Variants in FMNL2 observed in about 807,000 individuals in gnomAD.
FMNL2 encodes formin like 2.
FMNL2 carries 51 observed loss-of-function variants against 130.2 expected under a neutral mutation model. That is an observed-to-expected ratio of 0.39 (90% CI 0.31 to 0.49). The LOEUF (loss-of-function observed/expected upper bound fraction) is 0.49. FMNL2 is among the 20% of genes least tolerant of loss of function. FMNL2 has a pLI of 0.85. For missense variants in FMNL2, 977 were observed against 1,316.2 expected (o/e 0.74, Z 3.99); for synonymous variants, 465 against 467.1 (o/e 1.00, Z 0.06).
intron 6 of FMNL2, among the ~76,000 whole-genome samples, chr2:152,571,822 A>G (rs964504304): frequency 6.6e-6 from 1 of 152,220 alleles, no homozygotes; most frequent in African/African-American, 2.4e-5. Flanking sequence ...CATCATGTAT[A>G]TACATTATTT....
At chr2:152,363,666 A>G (rs1363934995) in intron 1 of FMNL2, among the ~76,000 whole-genome samples, 1 of 151,442 alleles carries the variant, frequency 6.6e-6, no homozygotes. Flanking sequence ...GGTTCAAGTG[A>G]TTCTCCTGCC....
intron 2 of FMNL2, among the ~76,000 whole-genome samples, chr2:152,527,234 C>T (rs920818919): frequency 2.6e-5 from 4 of 152,082 alleles, no homozygotes; most frequent in African/African-American, 9.7e-5. Flanking sequence ...TGAAGAATAT[C>T]ATAGAAAAAT....
intron 6 of FMNL2, among the ~76,000 whole-genome samples, chr2:152,570,140 C>A (rs976482601): frequency 6.6e-6 from 1 of 152,074 alleles, no homozygotes; most frequent in South Asian, 2.1e-4. Context: ...TTGGTATCTG[C>A]TGGGATATGC....
chr2:152,371,967 A>G (rs915239869), intron 1 of FMNL2, among the ~76,000 whole-genome samples: 2 of 152,164 alleles, frequency 1.3e-5, no homozygotes, highest in East Asian at 3.9e-4. Flanking sequence ...CTCCATAACT[A>G]CAAGAAATAA....
chr2:152,360,284 C>T (rs532909143), intron 1 of FMNL2, among the ~76,000 whole-genome samples: 111 of 152,132 alleles, frequency 7.3e-4, no homozygotes, highest in Non-Finnish European at 1.3e-3. Context: ...GAATCAGTTG[C>T]TTCTTTTTCT....
At chr2:152,361,522 A>G (rs1057197353) in intron 1 of FMNL2, among the ~76,000 whole-genome samples, 1 of 152,120 alleles carries the variant, frequency 6.6e-6, no homozygotes, top group Non-Finnish European at 1.5e-5. Context: ...AAATAATATC[A>G]CAACAGAAGG....
At chr2:152,613,990 GTA>G (rs1698817500) in intron 11 of FMNL2, among the ~76,000 whole-genome samples, 1 of 152,178 alleles carries the variant, frequency 6.6e-6, no homozygotes, top group Admixed American at 6.5e-5. Flanking sequence ...TGTTCATGCT[GTA>G]TACTGACTTA....
intron 4 of FMNL2, 25 bp from the exon 5 acceptor site, chr2:152,558,715 A>AT (rs70974869): frequency 0.2 from 278,874 of 1,362,812 alleles, 5,909 homozygotes; most frequent in African/African-American, 0.31. Context: ...TTCTCCAATG[A>AT]TTTTTTTTTT....
chr2:152,362,099 C>G (rs1207756462), intron 1 of FMNL2, among the ~76,000 whole-genome samples: 1 of 152,210 alleles, frequency 6.6e-6, no homozygotes, highest in East Asian at 1.9e-4. Flanking sequence ...TGTTTAGCTA[C>G]ATGCATCCAC....
chr2:152,370,527 A>G (rs1683816807), intron 1 of FMNL2, among the ~76,000 whole-genome samples: 1 of 152,168 alleles, frequency 6.6e-6, no homozygotes, highest in African/African-American at 2.4e-5. Flanking sequence ...GATTGAGTTG[A>G]TTGGAAGTAG....
chr2:152,355,316 CT>C (rs1197239331), intron 1 of FMNL2, among the ~76,000 whole-genome samples: 1 of 152,144 alleles, frequency 6.6e-6, no homozygotes, highest in East Asian at 1.9e-4. Flanking sequence ...TAGATGATAT[CT>C]TTTTCATTGC....
chr2:152,426,088 T>C (rs1687186617), intron 1 of FMNL2, among the ~76,000 whole-genome samples: 1 of 152,242 alleles, frequency 6.6e-6, no homozygotes, highest in South Asian at 2.1e-4. Flanking sequence ...TTGTGTTATA[T>C]AAAAATATTT....
chr2:152,529,830 A>G (rs1037938818), intron 2 of FMNL2, among the ~76,000 whole-genome samples: 1 of 152,180 alleles, frequency 6.6e-6, no homozygotes, highest in Non-Finnish European at 1.5e-5. Context: ...TTTTAAAACC[A>G]TCCTTTTTGG....
At chr2:152,370,561 A>T (rs1247927418) in intron 1 of FMNL2, among the ~76,000 whole-genome samples, 6 of 152,208 alleles carry the variant, frequency 3.9e-5, no homozygotes, top group Non-Finnish European at 8.8e-5. Context: ...ACTTCCAGTT[A>T]TCTATTGATA....
At chr2:152,641,462 T>A (rs1477628461) in intron 25 of FMNL2, among the ~76,000 whole-genome samples, 2 of 152,248 alleles carry the variant, frequency 1.3e-5, no homozygotes, top group African/African-American at 4.8e-5. Flanking sequence ...GAACCAATTC[T>A]CCCAAATTTC....
At chr2:152,476,081 C>T (rs1690137053) in intron 1 of FMNL2, among the ~76,000 whole-genome samples, 1 of 152,160 alleles carries the variant, frequency 6.6e-6, no homozygotes, top group African/African-American at 2.4e-5. Flanking sequence ...TTCACCTTCT[C>T]CTCTTTTATG....
intron 2 of FMNL2, among the ~76,000 whole-genome samples, chr2:152,534,700 T>C (rs1488408665): frequency 2.0e-5 from 3 of 152,098 alleles, no homozygotes; most frequent in Non-Finnish European, 2.9e-5. Flanking sequence ...TTGAAAGGCA[T>C]TCCTAAGTAA....
chr2:152,477,086 TCTTAA>T, intron 1 of FMNL2, among the ~76,000 whole-genome samples: 1 of 152,300 alleles, frequency 6.6e-6, no homozygotes, highest in South Asian at 2.1e-4. Flanking sequence ...AGTATGGGAA[TCTTAA>T]CTTTACTGAA....
chr2:152,401,592 C>T (rs764006276), intron 1 of FMNL2, among the ~76,000 whole-genome samples: 6 of 152,154 alleles, frequency 3.9e-5, no homozygotes, highest in Non-Finnish European at 8.8e-5. Context: ...ACCATGTCAG[C>T]GGCATTCACA....
Sources: allele counts gnomAD v4.1 joint callset (sites outside exome capture counted in the v4.1 genomes callset), GRCh38; gene constraint gnomAD v4.1.1; transcripts MANE v1.5; gene names NCBI Gene and HGNC (gene_info 2026-07-23, HGNC 2026-07-21).